Variants in STK36 observed in about 807,000 individuals in gnomAD.
STK36 encodes serine/threonine kinase 36.
A neutral mutation model predicts 142.2 loss-of-function variants in STK36; 116 were observed. That is an observed-to-expected ratio of 0.82 (90% CI 0.70 to 0.95). The LOEUF is 0.95. Ranked by LOEUF, STK36 falls within the 40% of genes least tolerant of loss-of-function variation. STK36 has a pLI of 0.00. For synonymous variants in STK36, 619 were observed against 641.7 expected (o/e 0.96, Z 0.53); for missense variants, 1,422 against 1,617.2 (o/e 0.88, Z 2.07).
Position 218,697,964 on chromosome 2 carries a change from A to G in STK36, c.3020A>G (p.Asp1007Gly). 1 of 1,614,078 alleles carries G rather than the reference A, an allele frequency of 6.2e-7. No homozygotes were observed. Residue 1007 changes from aspartate to glycine, a missense_variant, in exon 25 of 27, where the codon GAC becomes GGC. Asp to Gly is a moderately conservative substitution (Grantham distance 94, BLOSUM62 -1). Coordinates refer to ENST00000295709, the MANE Select transcript of STK36 (RefSeq NM_015690.5). ...DADLLIGVLA[D>G]LRDSEVAAHL... Reference sequence around the variant, plus strand: ...GACCTCCTTATAGGTGTCTTGGCCGACCTCAGGGACTCAGAAGTTGCAGCC... The same window carrying G: ...GACCTCCTTATAGGTGTCTTGGCCGGCCTCAGGGACTCAGAAGTTGCAGCC...
At position 218,672,871 on chromosome 2, in the gene STK36, T is replaced by C; in HGVS notation, c.42T>C (p.Ser14=). Residue 14 remains serine, a synonymous_variant, in exon 2 of 27, where the codon TCT becomes TCC. Transcript: ENST00000295709. The part of the protein sequence containing the change: ...YHVLEMIGEG[S]FGRVYKGRRK... ...TGTTGGAGATGATTGGAGAAGGCTC[T>C]TTTGGGAGGGTGTACAAGGGTCGAA... 2 of 1,614,106 alleles carry C rather than the reference T, an allele frequency of 1.2e-6. No homozygotes were observed. The highest frequency in any genetic ancestry group is 1.7e-6 in the Non-Finnish European group (2 of 1,179,974).
At position 218,699,203 on chromosome 2, in the gene STK36, G is replaced by A. The variant is rs1459979526; in HGVS notation, c.3659G>A (p.Gly1220Glu). ...GTTGCATCAGCTCTGGGCAACTTGG[G>A]ACCTGAAGGTTTGGGAGAGGAGCTG... ...RNVASALGNLGPEGLGEELLQ... is the reference protein window; with the variant it reads ...RNVASALGNLEPEGLGEELLQ... Residue 1220 changes from glycine to glutamate, a missense_variant, in exon 26 of 27, where the codon GGA becomes GAA. Gly to Glu is a moderately conservative substitution (Grantham distance 98). Transcript: ENST00000295709. 1 of 1,614,042 alleles carries A rather than the reference G, an allele frequency of 6.2e-7. No individual in the cohort carries two copies. The highest frequency in any genetic ancestry group is 1.7e-5 in the Admixed American group (1 of 60,008).
intron 6 of STK36, among the ~76,000 whole-genome samples, chr2:218,677,661 C>G (rs547440115): frequency 2.6e-5 from 4 of 152,306 alleles, no homozygotes; most frequent in African/African-American, 9.6e-5. Context: ...CAGTCCAAAG[C>G]TATCAGAATG....
Position 218,702,043 on chromosome 2 carries a change from G to A in STK36, c.*34G>A. The A allele has an allele frequency of 6.2e-7, 1 of 1,609,922 alleles. No homozygotes were observed. The highest frequency in any genetic ancestry group is 8.5e-7 in the Non-Finnish European group (1 of 1,177,820). On this transcript the variant is annotated 3_prime_UTR_variant, in exon 27 of 27. Transcript: ENST00000295709. Reference sequence around the variant, plus strand: ...TCCTGCGGTCCAGCCTCCAACTTTGGTTGCCAGCTCTTTCTTATTCTACTA... The same window carrying A: ...TCCTGCGGTCCAGCCTCCAACTTTGATTGCCAGCTCTTTCTTATTCTACTA...
chr2:218,693,193 G>A (rs774090852), intron 16 of STK36, 47 bp from the exon 17 acceptor site: 3 of 1,521,958 alleles, frequency 2.0e-6, no homozygotes, highest in Non-Finnish European at 2.7e-6. Context: ...GAGGAATAGG[G>A]TTGTAATCAT....
chr2:218,675,045 C>G (rs1940171017), intron 4 of STK36, among the ~76,000 whole-genome samples: 1 of 152,234 alleles, frequency 6.6e-6, no homozygotes, highest in African/African-American at 2.4e-5. Context: ...CATGCTTTAA[C>G]TCAGTCCTCA....
At chr2:218,689,768 C>T (rs1940921220) in intron 12 of STK36, 91 bp from the exon 13 acceptor site, 16 of 1,148,398 alleles carry the variant, frequency 1.4e-5, no homozygotes, top group Middle Eastern at 3.9e-4. Flanking sequence ...ATCAACTTGA[C>T]TGGGTCTCTA....
chr2:218,680,234 T>G (rs1940454016), intron 9 of STK36, among the ~76,000 whole-genome samples, 154 bp downstream of exon 9: 1 of 152,144 alleles, frequency 6.6e-6, no homozygotes, highest in Non-Finnish European at 1.5e-5. Context: ...GGATTCTAAT[T>G]ATAGATGTTT....
intron 11 of STK36, among the ~76,000 whole-genome samples, chr2:218,686,593 C>A (rs1940788721): frequency 6.6e-6 from 1 of 152,240 alleles, no homozygotes; most frequent in Non-Finnish European, 1.5e-5. Flanking sequence ...ATCATTATTC[C>A]CCTTTTTATA....
At chr2:218,684,414 CTTTT>C (rs779556469) in intron 10 of STK36, among the ~76,000 whole-genome samples, 1 of 49,326 alleles carries the variant, frequency 2.0e-5, no homozygotes, top group African/African-American at 8.4e-5. Context: ...TGCGCCTGGC[CTTTT>C]TTTTTTTTTT....
Position 218,697,924 on chromosome 2 carries a change from C to G in STK36, c.2980C>G (p.Leu994Val), listed in dbSNP as rs1052015490. Residue 994 changes from leucine (L) to valine (V), a missense_variant, in exon 25 of 27, where the codon CTG (leucine) becomes GTG (valine). Leu to Val is a conservative substitution (Grantham distance 32, BLOSUM62 1). Coordinates refer to ENST00000295709, the MANE Select transcript of STK36 (RefSeq NM_015690.5). Reference sequence around the variant, plus strand: ...CCAGCTCCTTTGCTTCCCCTTTGCGCTGGACATGGATGCTGACCTCCTTAT... The same window carrying G: ...CCAGCTCCTTTGCTTCCCCTTTGCGGTGGACATGGATGCTGACCTCCTTAT... ...VCQLLCFPFA[L>V]DMDADLLIGV... 6.2e-7 allele frequency: 1 copy of G among 1,614,188 alleles called. No individual in the cohort carries two copies. The highest frequency in any genetic ancestry group is 8.5e-7 in the Non-Finnish European group (1 of 1,180,048).
In STK36 at chr2:218,702,039, T is replaced by G; in HGVS notation, c.*30T>G. The G allele has an allele frequency of 6.2e-7, 1 of 1,610,902 alleles. No homozygotes were observed. The highest frequency in any genetic ancestry group is 8.5e-7 in the Non-Finnish European group (1 of 1,178,270). ...AGATTCCTGCGGTCCAGCCTCCAAC[T>G]TTGGTTGCCAGCTCTTTCTTATTCT... On this transcript the variant is annotated 3_prime_UTR_variant, in exon 27 of 27. Transcript: ENST00000295709.
chr2:218,682,229 TAAC>T (rs1940555898), intron 10 of STK36, among the ~76,000 whole-genome samples: 1 of 152,174 alleles, frequency 6.6e-6, no homozygotes, highest in Admixed American at 6.5e-5. Flanking sequence ...ACCCAGCCTA[TAAC>T]AACACTTTTA....
intron 8 of STK36, 61 bp downstream of exon 8, chr2:218,679,790 G>T (rs930779031): frequency 4.4e-5 from 71 of 1,610,204 alleles, no homozygotes; most frequent in Non-Finnish European, 5.8e-5. Context: ...AGTTAGAGGA[G>T]GAGGGTGACT....
At chr2:218,688,574 A>G in intron 11 of STK36, 123 bp from the exon 12 acceptor site, 1 of 1,097,296 alleles carries the variant, frequency 9.1e-7, no homozygotes, top group Non-Finnish European at 1.3e-6. Flanking sequence ...TTAGACTTGC[A>G]AAGAAAGGAA....
intron 8 of STK36, 31 bp from the exon 9 acceptor site, chr2:218,679,862 C>G: frequency 6.2e-7 from 1 of 1,607,150 alleles, no homozygotes; most frequent in Non-Finnish European, 8.5e-7. Context: ...TCAAATAGCT[C>G]TGATTCAGTG....
At position 218,694,292 on chromosome 2, in the gene STK36, A is replaced by G. The variant is rs1305038431; in HGVS notation, c.2365A>G (p.Thr789Ala). Residue 789 changes from threonine (T) to alanine (A), a missense_variant, in exon 20 of 27, where the codon ACT becomes GCT. By Grantham distance (58) the Thr-to-Ala change is moderately conservative. Coordinates refer to ENST00000295709, the MANE Select transcript of STK36 (RefSeq NM_015690.5). The surrounding 1 kb of genome is among the most constrained non-coding windows in gnomAD (Gnocchi z 4.4). ...GGAGAAGCTAGGCAGTGACGTTGCT[A>G]CTCTCTTTACCCATTCGCATGTCGT... ...GMEKLGSDVATLFTHSHVVSL... is the reference protein window; with the variant it reads ...GMEKLGSDVAALFTHSHVVSL... The G allele has an allele frequency of 2.5e-6, 4 of 1,613,752 alleles. No individual in the cohort carries two copies. Among genetic ancestry groups the G allele is most frequent in the Admixed American group, 3.3e-5 (2 of 59,990 alleles).
Position 218,688,260 on chromosome 2 carries a change from C to A in STK36, c.1381-437C>A, listed in dbSNP as rs532503485. ...GTTAGGCTGGATTTGACCTGTGAGC[C>A]ATAGTTTGTCAACCCTGATCTAGAG... On this transcript the variant is annotated intron_variant, in intron 11 of 26. Transcript: ENST00000295709. 24 of 427,426 alleles carry A rather than the reference C, an allele frequency of 5.6e-5. 1 individual carries two copies. Among genetic ancestry groups the A allele is most frequent in the South Asian group, 4.0e-4 (24 of 59,700 alleles). 26.5% of individuals were successfully genotyped at this position (427,426 alleles called of 1,614,324 possible).
At position 218,701,807 on chromosome 2, in the gene STK36, C is replaced by T. The variant is rs1941451191; in HGVS notation, c.3805-59C>T. 1.5e-5 allele frequency: 24 copies of T among 1,595,840 alleles called. No individual in the cohort carries two copies. The Middle Eastern group carries it at 5.0e-4, about 33-fold the overall frequency. On this transcript the variant is annotated intron_variant, in intron 26 of 26. Transcript: ENST00000295709. ...AAATGAGAGTCCTCCGCACCTGCCC[C>T]AGACACCACCATTTCTGAGCCTCAT...
Sources: gnomAD v4.1 joint callset for allele counts (sites outside exome capture counted in the v4.1 genomes callset) on GRCh38, gnomAD v4.1.1 for gene constraint, Gnocchi (gnomAD v3.1) non-coding constraint, MANE v1.5 for transcripts, NCBI Gene and HGNC (gene_info 2026-07-23, HGNC 2026-07-21) for gene names.